Variants in RHOU observed in about 807,000 individuals in gnomAD.
RHOU encodes the protein rho-related GTP-binding protein RhoU.
In RHOU, 8 loss-of-function variants were observed where a neutral mutation model predicts 12.6. The ratio of observed to expected loss-of-function variants is 0.64; its 90% confidence interval spans 0.37 to 1.15. RHOU has a LOEUF of 1.15. Among genes scored for constraint, RHOU ranks in the 50% most tolerant of loss-of-function variants. RHOU has a pLI of 0.01. For missense variants in RHOU, 258 were observed against 347.0 expected, an observed-to-expected ratio of 0.74 and a Z score of 2.04; for synonymous variants, 161 against 147.4, an observed-to-expected ratio of 1.09 and a Z score of -0.67.
chr1:228,674,613 TG>T, the RHOU span, among the ~76,000 whole-genome samples: 90 of 152,302 alleles, frequency 5.9e-4, no homozygotes, highest in African/African-American at 1.9e-3. Context: ...CCCAAAGTGC[TG>T]GGATTACAGG....
the RHOU span, among the ~76,000 whole-genome samples, chr1:228,712,820 TAAATAAATAAATA>T: frequency 7.6e-6 from 1 of 132,232 alleles, no homozygotes; most frequent in Non-Finnish European, 1.6e-5. Context: ...TAATAATAAA[TAAATAAATAAATA>T]AAATAAAATA....
At chr1:228,692,931 A>G in the RHOU span, among the ~76,000 whole-genome samples, 1 of 152,294 alleles carries the variant, frequency 6.6e-6, no homozygotes, top group Non-Finnish European at 1.5e-5. Context: ...ATTATATAAA[A>G]TTGCATTTAT....
In RHOU at chr1:228,738,879, G is replaced by A. The variant is rs1262425822; in HGVS notation, c.321+1148G>A. The stretch of plus-strand genomic sequence containing the variant: ...GTGTGGTGGCTCATGCTCTTTGGGA[G>A]GCTGAGGTGGGAGGATTGCATGAGG... On this transcript the variant is annotated intron_variant, in intron 2 of 2. Transcript: ENST00000366691. This position sits in a 1 kb window ranked among gnomAD's most constrained non-coding sequence, Gnocchi z 4.2. 6.6e-6 allele frequency among the ~76,000 whole-genome samples: 1 copy of A among 152,016 alleles called. No individual in the cohort carries two copies. The highest frequency in any genetic ancestry group is 1.5e-5 in the Non-Finnish European group (1 of 67,978).
chr1:228,693,009 G>A, the RHOU span, among the ~76,000 whole-genome samples: 3 of 152,008 alleles, frequency 2.0e-5, no homozygotes, highest in Non-Finnish European at 4.4e-5. Flanking sequence ...GCCCAAAACC[G>A]TACTGTGAGT....
the RHOU span, among the ~76,000 whole-genome samples, chr1:228,706,211 T>A: frequency 6.6e-6 from 1 of 152,322 alleles, no homozygotes; most frequent in Non-Finnish European, 1.5e-5. Context: ...CTTGATGCTC[T>A]TGTTGGTCAC....
chr1:228,684,180 G>A, the RHOU span, among the ~76,000 whole-genome samples: 35 of 152,068 alleles, frequency 2.3e-4, no homozygotes, highest in Non-Finnish European at 2.9e-4. Flanking sequence ...GGGATTACAG[G>A]TGTGTGCCAC....
the RHOU span, among the ~76,000 whole-genome samples, chr1:228,706,447 G>A: frequency 6.6e-6 from 1 of 152,208 alleles, no homozygotes; most frequent in Non-Finnish European, 1.5e-5. Context: ...TGCGGAAACA[G>A]CTAGATTGAT....
At chr1:228,675,872 C>T in the RHOU span, among the ~76,000 whole-genome samples, 2 of 151,806 alleles carry the variant, frequency 1.3e-5, no homozygotes, top group Non-Finnish European at 2.9e-5. Flanking sequence ...GGCTGCAGCC[C>T]AGGATACACT....
chr1:228,713,952 G>A, the RHOU span, among the ~76,000 whole-genome samples: 2 of 151,824 alleles, frequency 1.3e-5, no homozygotes, highest in Admixed American at 6.6e-5. Flanking sequence ...GGTCATGGAA[G>A]TCTTCTGTGT....
At chr1:228,695,928 T>C in the RHOU span, among the ~76,000 whole-genome samples, 1 of 152,218 alleles carries the variant, frequency 6.6e-6, no homozygotes, top group South Asian at 2.1e-4. Flanking sequence ...ATCTTTCAGG[T>C]GACCAGTCCT....
chr1:228,693,809 AAAG>A, the RHOU span, among the ~76,000 whole-genome samples: 1 of 152,226 alleles, frequency 6.6e-6, no homozygotes, highest in East Asian at 1.9e-4. Context: ...TGTGAAGCTA[AAAG>A]AAGATGATTT....
the RHOU span, among the ~76,000 whole-genome samples, chr1:228,713,452 C>CT: frequency 1.3e-5 from 2 of 151,998 alleles, no homozygotes; most frequent in Non-Finnish European, 2.9e-5. Context: ...TTGTACTATC[C>CT]TTTTTTTGTT....
chr1:228,714,958 G>A, the RHOU span, among the ~76,000 whole-genome samples: 347 of 151,714 alleles, frequency 2.3e-3, 2 homozygotes, highest in Non-Finnish European at 3.6e-3. Context: ...TGGCCAAGCT[G>A]GTCTCAAACT....
the RHOU span, chr1:228,687,760 C>G: frequency 1.4e-6 from 2 of 1,394,504 alleles, no homozygotes; most frequent in South Asian, 2.3e-5. Context: ...ATGGGAGCGC[C>G]CGAATCTGGC....
At chr1:228,701,280 G>A in the RHOU span, among the ~76,000 whole-genome samples, 2 of 152,142 alleles carry the variant, frequency 1.3e-5, no homozygotes, top group African/African-American at 2.4e-5. Context: ...ACAGGTCACT[G>A]TAAAATAATA....
chr1:228,666,914 G>T, the RHOU span, among the ~76,000 whole-genome samples: 1 of 152,172 alleles, frequency 6.6e-6, no homozygotes, highest in East Asian at 1.9e-4. Context: ...CTGACCCAGG[G>T]TCTGAGATTT....
the RHOU span, among the ~76,000 whole-genome samples, chr1:228,721,820 T>C: frequency 2.0e-5 from 3 of 152,020 alleles, no homozygotes; most frequent in Non-Finnish European, 2.9e-5. Context: ...ACTAATTTTG[T>C]ATTTTGTATT....
At chr1:228,662,267 T>C in the RHOU span, among the ~76,000 whole-genome samples, 1 of 152,192 alleles carries the variant, frequency 6.6e-6, no homozygotes, top group African/African-American at 2.4e-5. Flanking sequence ...TGGAAGACAG[T>C]GTGGCGATTC....
the RHOU span, among the ~76,000 whole-genome samples, chr1:228,720,478 G>A: frequency 6.6e-6 from 1 of 152,116 alleles, no homozygotes; most frequent in Non-Finnish European, 1.5e-5. Flanking sequence ...TTTTTAAAGA[G>A]GCAGTTAAAA....
Sources: allele counts gnomAD v4.1 joint callset (sites outside exome capture counted in the v4.1 genomes callset), GRCh38; gene constraint gnomAD v4.1.1; non-coding constraint Gnocchi (gnomAD v3.1); transcripts MANE v1.5; gene names NCBI Gene and HGNC (gene_info 2026-07-23, HGNC 2026-07-21).